CAPZB: variants seen among roughly 807,000 people sequenced by gnomAD.
CAPZB encodes F-actin-capping protein subunit beta.
A neutral mutation model predicts 38.1 loss-of-function variants in CAPZB; 2 were observed. That is an observed-to-expected ratio of 0.05 (90% CI 0.02 to 0.17). The LOEUF is 0.17. CAPZB is among the 10% of genes least tolerant of loss of function. The pLI, the probability that CAPZB is intolerant of heterozygous loss-of-function variation, is 1.00. For missense variants in CAPZB, 161 were observed against 334.2 expected, an observed-to-expected ratio of 0.48 and a Z score of 4.04; for synonymous variants, 107 against 127.4, an observed-to-expected ratio of 0.84 and a Z score of 1.08.
At chr1:19,395,285 A>T (rs960575843) in intron 2 of CAPZB, among the ~76,000 whole-genome samples, 53 of 152,322 alleles carry the variant, frequency 3.5e-4, no homozygotes. Flanking sequence ...TTTGACCAAC[A>T]AATGATTTAT....
At chr1:19,428,687 G>C (rs1167191927) in intron 1 of CAPZB, among the ~76,000 whole-genome samples, 1 of 152,150 alleles carries the variant, frequency 6.6e-6, no homozygotes, top group African/African-American at 2.4e-5. Flanking sequence ...TGCACAGATA[G>C]AGGCAAAATC....
chr1:19,407,193 T>C (rs1204661524), intron 2 of CAPZB, among the ~76,000 whole-genome samples: 2 of 152,178 alleles, frequency 1.3e-5, no homozygotes, highest in East Asian at 3.8e-4. Context: ...GGCCAATCTG[T>C]TTCCAAGGAA....
At chr1:19,460,487 G>A (rs970078758) in intron 1 of CAPZB, among the ~76,000 whole-genome samples, 1 of 151,384 alleles carries the variant, frequency 6.6e-6, no homozygotes, top group African/African-American at 2.4e-5. Context: ...GTGTTAGCCA[G>A]GATGGTCTCG....
chr1:19,349,122 A>G (rs1569889111), intron 6 of CAPZB, among the ~76,000 whole-genome samples: 1 of 152,294 alleles, frequency 6.6e-6, no homozygotes, highest in Non-Finnish European at 1.5e-5. Flanking sequence ...TGCCACTAGC[A>G]AAACCCTGGT....
At chr1:19,343,879 C>A (rs2093946345) in intron 8 of CAPZB, among the ~76,000 whole-genome samples, 1 of 152,190 alleles carries the variant, frequency 6.6e-6, no homozygotes, top group Admixed American at 6.5e-5. Flanking sequence ...AGGCTGAGGG[C>A]CCTGCCTGCA....
chr1:19,360,848 T>C (rs1019196508), intron 4 of CAPZB, among the ~76,000 whole-genome samples: 1 of 152,184 alleles, frequency 6.6e-6, no homozygotes, highest in African/African-American at 2.4e-5. Flanking sequence ...GCAAGCTCAA[T>C]TGTCACTCCT....
At chr1:19,370,669 G>A (rs1298797979) in intron 4 of CAPZB, among the ~76,000 whole-genome samples, 1 of 152,162 alleles carries the variant, frequency 6.6e-6, no homozygotes, top group Non-Finnish European at 1.5e-5. Flanking sequence ...ACTCTTATCA[G>A]GGAGTGGTAA....
intron 1 of CAPZB, among the ~76,000 whole-genome samples, chr1:19,434,642 T>A (rs558932037): frequency 1.3e-5 from 2 of 151,908 alleles, no homozygotes; most frequent in Non-Finnish European, 2.9e-5. Context: ...AAGATTATAA[T>A]GTTTCTAGCC....
At chr1:19,450,489 T>A (rs1558273455) in intron 1 of CAPZB, among the ~76,000 whole-genome samples, 2 of 151,946 alleles carry the variant, frequency 1.3e-5, no homozygotes, top group African/African-American at 4.8e-5. Context: ...CAGGCACTGT[T>A]TTAGGCATGT....
At chr1:19,441,678 GAA>G (rs370513735) in intron 1 of CAPZB, among the ~76,000 whole-genome samples, 7 of 134,518 alleles carry the variant, frequency 5.2e-5, no homozygotes, top group South Asian at 4.6e-4. Context: ...GGCAGACAGA[GAA>G]AAAAAAAAAA....
chr1:19,375,241 C>T (rs377159264), intron 4 of CAPZB, among the ~76,000 whole-genome samples: 1 of 152,344 alleles, frequency 6.6e-6, no homozygotes, highest in East Asian at 1.9e-4. Flanking sequence ...TGGTTCGTCA[C>T]ATGTGGTTCA....
intron 4 of CAPZB, among the ~76,000 whole-genome samples, chr1:19,364,484 A>G (rs1188294201): frequency 6.6e-6 from 1 of 152,244 alleles, no homozygotes; most frequent in African/African-American, 2.4e-5. Context: ...GCCTTCCAGA[A>G]TCACAAAAAA....
intron 4 of CAPZB, among the ~76,000 whole-genome samples, chr1:19,373,705 T>C (rs1005463251): frequency 4.6e-5 from 7 of 151,694 alleles, no homozygotes; most frequent in African/African-American, 9.7e-5. Flanking sequence ...TTTTTTTTTT[T>C]CCAGAGACAA....
intron 1 of CAPZB, among the ~76,000 whole-genome samples, chr1:19,421,300 T>C (rs1250498472): frequency 6.6e-6 from 1 of 152,200 alleles, no homozygotes; most frequent in Admixed American, 6.5e-5. Flanking sequence ...CACTTCATAG[T>C]CACCAGAGAC....
At position 19,473,941 on chromosome 1, in the gene CAPZB, T is replaced by C. The variant is rs568488450; in HGVS notation, c.3+11495A>G. Among the ~76,000 whole-genome samples, 19 of 152,042 alleles carry C rather than the reference T, an allele frequency of 1.2e-4. 1 individual carries two copies. The highest frequency in any genetic ancestry group is 3.9e-4 in the African/African-American group (16 of 41,480). On this transcript the variant is annotated intron_variant, in intron 1 of 8. Transcript: ENST00000264202. ...CAAATGATGGAATTCCTATGGACAATCACAAGCCTGTATTAAATGTCCACA... is the reference window on the plus strand; with the variant it reads ...CAAATGATGGAATTCCTATGGACAACCACAAGCCTGTATTAAATGTCCACA...
chr1:19,481,318 G>A (rs2094627636), intron 1 of CAPZB, among the ~76,000 whole-genome samples: 1 of 152,150 alleles, frequency 6.6e-6, no homozygotes, highest in Non-Finnish European at 1.5e-5. Context: ...GCATCCCCTG[G>A]AATTCCACAC....
chr1:19,423,812 C>CA, intron 1 of CAPZB, among the ~76,000 whole-genome samples: 1 of 152,190 alleles, frequency 6.6e-6, no homozygotes, highest in Admixed American at 6.5e-5. Context: ...CTCAGCCCTC[C>CA]AAGTAGCTGG....
chr1:19,470,789 C>T (rs1290610709), intron 1 of CAPZB, among the ~76,000 whole-genome samples: 1 of 152,236 alleles, frequency 6.6e-6, no homozygotes, highest in Non-Finnish European at 1.5e-5. Flanking sequence ...CTGTATCATT[C>T]TGAATTTACA....
Position 19,434,043 on chromosome 1 carries a change from C to A in CAPZB, c.4-14293G>T, listed in dbSNP as rs1022325740. On this transcript the variant is annotated intron_variant, in intron 1 of 8. Transcript: ENST00000264202. ...GCAACACTCTACCCACCCATGATAC[C>A]TTTGCAAACTTAACCCAAGACCTGT... Among the ~76,000 whole-genome samples the A allele has an allele frequency of 5.3e-5, 8 of 152,326 alleles. No individual in the cohort carries two copies. In the South Asian group the frequency reaches 6.2e-4, roughly 12 times the overall value.
Sources: gnomAD v4.1 joint callset for allele counts (sites outside exome capture counted in the v4.1 genomes callset) on GRCh38, gnomAD v4.1.1 for gene constraint, MANE v1.5 for transcripts, NCBI Gene and HGNC (gene_info 2026-07-23, HGNC 2026-07-21) for gene names.